INPPL1: variants seen among roughly 807,000 people sequenced by gnomAD.
INPPL1 encodes inositol polyphosphate phosphatase like 1.
Under a neutral mutation model 139.3 loss-of-function variants are expected in INPPL1, and 91 were observed. The observed-to-expected ratio is 0.65, with a 90% CI of 0.55 to 0.78. INPPL1 has a LOEUF of 0.78. Ranked by LOEUF, INPPL1 falls within the 30% of genes least tolerant of loss-of-function variation. The pLI is 0.00. For missense variants in INPPL1, 1,411 were observed against 1,665.6 expected (o/e 0.85, Z 2.66); for synonymous variants, 719 against 686.6 (o/e 1.05, Z -0.74).
Position 72,231,088 on chromosome 11 carries a change from A to G in INPPL1, c.1396A>G (p.Ile466Val). The change falls in exon 12 of 28, where the codon ATC (isoleucine) becomes GTC (valine). Residue 466 changes from isoleucine (I) to valine (V), a missense_variant. Ile to Val is a conservative substitution (Grantham distance 29, BLOSUM62 3). Transcript: ENST00000298229. Reference sequence around the variant, plus strand: ...GGTCACAGTGACCATACCCCATGACATCTATGTCTTTGGGACCCAGGAGAA... The same window carrying G: ...GGTCACAGTGACCATACCCCATGACGTCTATGTCTTTGGGACCCAGGAGAA... ...DEVTVTIPHD[I>V]YVFGTQENSV... 6.2e-7 allele frequency: 1 copy of G among 1,614,044 alleles called. No individual in the cohort carries two copies. The highest frequency in any genetic ancestry group is 8.5e-7 in the Non-Finnish European group (1 of 1,179,992).
At position 72,228,640 on chromosome 11, in the gene INPPL1, A is replaced by G; in HGVS notation, c.398-87A>G. 20 of 1,542,740 alleles carry G rather than the reference A, an allele frequency of 1.3e-5. 1 individual carries two copies. In the South Asian group the frequency reaches 2.4e-4, roughly 18 times the overall value. On this transcript the variant is annotated intron_variant, in intron 3 of 27. Coordinates refer to ENST00000298229, the MANE Select transcript of INPPL1 (RefSeq NM_001567.4). This position sits in a 1 kb window ranked among gnomAD's most constrained non-coding sequence, Gnocchi z 5.0. The stretch of plus-strand genomic sequence containing the variant: ...GCCGGGGCCCTTTAACCCTCTTTCC[A>G]TGGAAGTCACTTTACAGCTGCATCG...
At chr11:72,227,171 G>C (rs1413778838) in intron 1 of INPPL1, among the ~76,000 whole-genome samples, 1 of 152,202 alleles carries the variant, frequency 6.6e-6, no homozygotes, top group African/African-American at 2.4e-5. Context: ...AGCAAGCTAG[G>C]ATACTGGCCC....
Position 72,238,113 on chromosome 11 carries a change from C to T in INPPL1, c.3624C>T (p.Ile1208=), listed in dbSNP as rs776975989. Residue 1208 remains isoleucine, a synonymous_variant, in exon 27 of 28, where the codon ATC becomes ATT. Coordinates refer to ENST00000298229, the MANE Select transcript of INPPL1 (RefSeq NM_001567.4). ...EAGMSAWLRA[I]GLERYEEGLV... ...GCATGAGTGCCTGGCTGCGGGCCAT[C>T]GGCTTGGAGCGCTATGAGGAGGGCC... 1.8e-5 allele frequency: 29 copies of T among 1,576,736 alleles called. No individual in the cohort carries two copies. The highest frequency in any genetic ancestry group is 3.6e-5 in the Admixed American group (2 of 55,394).
intron 1 of INPPL1, among the ~76,000 whole-genome samples, chr11:72,227,033 C>T (rs537564531): frequency 8.5e-5 from 13 of 152,180 alleles, no homozygotes; most frequent in African/African-American, 1.2e-4. Context: ...CAGACGTGGG[C>T]GATCAGACGT....
intron 1 of INPPL1, among the ~76,000 whole-genome samples, chr11:72,226,836 G>A (rs1948688572): frequency 6.6e-6 from 1 of 152,150 alleles, no homozygotes; most frequent in South Asian, 2.1e-4. Context: ...CAGCTGTTGA[G>A]TGGGAGGGGG....
At position 72,238,011 on chromosome 11, in the gene INPPL1, C is replaced by A. The variant is rs778264603; in HGVS notation, c.3553-31C>A. On this transcript the variant is annotated intron_variant, in intron 26 of 27. Transcript: ENST00000298229. Reference sequence around the variant, plus strand: ...TGCAGGTGTTTCTATGGGGGGCACTCAGCTCCCCCTGACATGCCCTGTTTC... The same window carrying A: ...TGCAGGTGTTTCTATGGGGGGCACTAAGCTCCCCCTGACATGCCCTGTTTC... The A allele has an allele frequency of 1.2e-5, 18 of 1,516,244 alleles. No individual in the cohort carries two copies. The Admixed American group carries it at 3.5e-4, about 29-fold the overall frequency. 93.9% of individuals were successfully genotyped at this position (1,516,244 alleles called of 1,614,324 possible). A position where few individuals can be genotyped will look rare whatever the true frequency, so the allele number is the denominator to read the frequency against.
At position 72,235,743 on chromosome 11, in the gene INPPL1, C is replaced by A. The variant is rs746261858; in HGVS notation, c.2728C>A (p.Gln910Lys). The change falls in exon 24 of 28, where the codon CAG (glutamine) becomes AAG (lysine). Residue 910 changes from glutamine to lysine, a missense_variant. Gln to Lys is a moderately conservative substitution (Grantham distance 53). This residue lies in a region of INPPL1 where 99 missense variants were observed against 171.6 expected (regional missense o/e 0.58). Coordinates refer to ENST00000298229, the MANE Select transcript of INPPL1 (RefSeq NM_001567.4). The surrounding 1 kb of genome is among the most constrained non-coding windows in gnomAD (Gnocchi z 4.9). ...AGCCCCCTCTGTGTCCCGAGGGAGC[C>A]AGGAGCCCAGGTGAGCTAGGGCTGT... ...SKAPSVSRGS[Q>K]EPRSGSRKPA... 3.1e-6 allele frequency: 5 copies of A among 1,614,080 alleles called. No homozygotes were observed. The highest frequency in any genetic ancestry group is 8.5e-7 in the Non-Finnish European group (1 of 1,179,980).
At chr11:72,230,972 C>T (rs772189011) in intron 11 of INPPL1, 21 bp from the exon 12 acceptor site, 3 of 1,611,974 alleles carry the variant, frequency 1.9e-6, no homozygotes, top group Non-Finnish European at 2.5e-6. Flanking sequence ...TCCAGACCCA[C>T]CTCACCCCCT....
At chr11:72,225,399 C>T (rs1948642494) in intron 1 of INPPL1, 2 of 985,328 alleles carry the variant, frequency 2.0e-6, no homozygotes, top group Non-Finnish European at 2.4e-6. Context: ...ATATGGGGTT[C>T]TGTGGCCCAG....
rs1006573635 is a variant in INPPL1, at chr11:72,234,887, T to G, written c.2416-229T>G. Among the ~76,000 whole-genome samples, 2 of 152,064 alleles carry G rather than the reference T, an allele frequency of 1.3e-5. No individual in the cohort carries two copies. Among genetic ancestry groups the G allele is most frequent in the East Asian group, 3.9e-4 (2 of 5,186 alleles). ...AGCTTTTGCTAGATGTCAGGTCCTGTGTTAGCTATTGAGAAAATTAATTAG... is the reference window on the plus strand; with the variant it reads ...AGCTTTTGCTAGATGTCAGGTCCTGGGTTAGCTATTGAGAAAATTAATTAG... On this transcript the variant is annotated intron_variant, in intron 21 of 27. Transcript: ENST00000298229. The surrounding 1 kb of genome is among the most constrained non-coding windows in gnomAD (Gnocchi z 4.2).
chr11:72,235,103 C>T lies in INPPL1; in HGVS notation c.2416-13C>T, dbSNP rs1948947867. ...CGGGGCTTTGTTCCTCACTGGGCCTCCCTGCTTCCCAGCTCAAACCAATTC... is the reference window on the plus strand; with the variant it reads ...CGGGGCTTTGTTCCTCACTGGGCCTTCCTGCTTCCCAGCTCAAACCAATTC... On this transcript the variant is annotated splice_polypyrimidine_tract_variant and intron_variant, in intron 21 of 27. Transcript: ENST00000298229. The surrounding 1 kb of genome is among the most constrained non-coding windows in gnomAD (Gnocchi z 4.9). 3 of 1,611,872 alleles carry T rather than the reference C, an allele frequency of 1.9e-6. No homozygotes were observed. Among genetic ancestry groups the T allele is most frequent in the Non-Finnish European group, 2.5e-6 (3 of 1,178,678 alleles).
At chr11:72,232,423 C>A in intron 14 of INPPL1, 87 bp downstream of exon 14, 1 of 1,306,762 alleles carries the variant, frequency 7.7e-7, no homozygotes, top group East Asian at 2.5e-5. Context: ...GCCCATGACC[C>A]TCCCGCAGGC....
chr11:72,234,245 C>A lies in INPPL1; in HGVS notation c.2213-36C>A, dbSNP rs985651041. The A allele has an allele frequency of 2.1e-6, 3 of 1,461,898 alleles. No homozygotes were observed. Among genetic ancestry groups the A allele is most frequent in the African/African-American group, 1.4e-5 (1 of 71,342 alleles). The allele number at this position is 1,461,898 out of a possible 1,614,324, so 90.6% of individuals were successfully genotyped here. ...TGTCCCATTCCTCCTGTGATCCTCT[C>A]AGTCCTCCTGTTTGTTCTCCTCCCT... On this transcript the variant is annotated intron_variant, in intron 19 of 27. Transcript: ENST00000298229. The surrounding 1 kb of genome is among the most constrained non-coding windows in gnomAD (Gnocchi z 4.2).
In INPPL1 at chr11:72,230,795, G is replaced by T; in HGVS notation, c.1198-1G>T. On this transcript the variant is annotated splice_acceptor_variant, in intron 10 of 27. Transcript: ENST00000298229. LOFTEE classifies it high-confidence loss of function. ...CCCCTGAGTGGCTGCTGTTCCCCCAGAAGCGGGAGGCCTTCTGCCAGCTGT... is the reference window on the plus strand; with the variant it reads ...CCCCTGAGTGGCTGCTGTTCCCCCATAAGCGGGAGGCCTTCTGCCAGCTGT... 6.2e-7 allele frequency: 1 copy of T among 1,613,718 alleles called. No homozygotes were observed. The highest frequency in any genetic ancestry group is 8.5e-7 in the Non-Finnish European group (1 of 1,179,806).
In INPPL1 at chr11:72,229,688, A is replaced by T; in HGVS notation, c.779A>T (p.Glu260Val). The T allele has an allele frequency of 6.2e-7, 1 of 1,614,106 alleles. No individual in the cohort carries two copies. The highest frequency in any genetic ancestry group is 8.5e-7 in the Non-Finnish European group (1 of 1,180,012). ...QQNLPQTGEQ[E>V]LESLVLKLSV... ...AACCTGCCACAGACAGGGGAGCAGG[A>T]ACTAGAGAGCCTGGTGCTGAAGCTG... The change falls in exon 7 of 28, where the codon GAA becomes GTA. Residue 260 changes from glutamate to valine, a missense_variant. Coordinates refer to ENST00000298229, the MANE Select transcript of INPPL1 (RefSeq NM_001567.4).
chr11:72,235,067 G>C lies in INPPL1; in HGVS notation c.2416-49G>C. On this transcript the variant is annotated intron_variant, in intron 21 of 27. Transcript: ENST00000298229. This position sits in a 1 kb window ranked among gnomAD's most constrained non-coding sequence, Gnocchi z 4.9. ...CAGGGGGCAGCGCGTAGGAGGGGCA[G>C]GAGGAAGTGGCGGGGCTTTGTTCCT... 1 of 1,502,194 alleles carries C rather than the reference G, an allele frequency of 6.7e-7. No individual in the cohort carries two copies. Among genetic ancestry groups the C allele is most frequent in the South Asian group, 1.1e-5 (1 of 87,634 alleles). 93.1% of individuals were successfully genotyped at this position (1,502,194 alleles called of 1,614,324 possible). A position where few individuals can be genotyped will look rare whatever the true frequency, so the allele number is the denominator to read the frequency against.
rs1271266376 is a variant in INPPL1, at chr11:72,238,117, T to C, written c.3628T>C (p.Leu1210=). The part of the protein sequence containing the change: ...GMSAWLRAIG[L]ERYEEGLVHN... ...GAGTGCCTGGCTGCGGGCCATCGGC[T>C]TGGAGCGCTATGAGGAGGGCCTGGT... The change falls in exon 27 of 28, where the codon TTG becomes CTG. Residue 1210 remains leucine, a synonymous_variant. Transcript: ENST00000298229. 5 of 1,581,928 alleles carry C rather than the reference T, an allele frequency of 3.2e-6. No individual in the cohort carries two copies. The highest frequency in any genetic ancestry group is 2.3e-5 in the East Asian group (1 of 44,432).
Position 72,229,537 on chromosome 11 carries a change from G to T in INPPL1, c.732G>T (p.Val244=), listed in dbSNP as rs763192141. The T allele has an allele frequency of 1.2e-6, 2 of 1,614,144 alleles. No homozygotes were observed. The highest frequency in any genetic ancestry group is 1.1e-5 in the South Asian group (1 of 91,066). The part of the protein sequence containing the change: ...KVFDQQSSPM[V]TRLLQQQNLP... ...TTGACCAGCAGAGCTCGCCCATGGT[G>T]ACCCGCCTTTTGCAGCAGCAGGTAG... Residue 244 remains valine (V), a synonymous_variant, in exon 6 of 28, where the codon GTG becomes GTT. Coordinates refer to ENST00000298229, the MANE Select transcript of INPPL1 (RefSeq NM_001567.4).
intron 6 of INPPL1, 31 bp from the exon 7 acceptor site, chr11:72,229,632 C>T (rs1479439408): frequency 1.9e-6 from 3 of 1,612,340 alleles, no homozygotes; most frequent in Admixed American, 1.7e-5. Flanking sequence ...TTAGGTGACT[C>T]ATGTACAAGC....
Sources: gnomAD v4.1 joint callset for allele counts (sites outside exome capture counted in the v4.1 genomes callset) on GRCh38, gnomAD v4.1.1 for gene constraint, gnomAD v4.1.1 regional missense constraint, Gnocchi (gnomAD v3.1) non-coding constraint, MANE v1.5 for transcripts, NCBI Gene and HGNC (gene_info 2026-07-23, HGNC 2026-07-21) for gene names.